Variants in RGS6 observed in about 807,000 individuals in gnomAD.
RGS6 encodes the protein regulator of G protein signaling 6, also known as regulator of G-protein signaling 6.
In RGS6, 30 loss-of-function variants were observed where a neutral mutation model predicts 78.5. That is an observed-to-expected ratio of 0.38 (90% CI 0.29 to 0.52). The LOEUF is 0.52. Among genes scored for constraint, RGS6 ranks in the 20% least tolerant of loss-of-function variants. RGS6 has a pLI of 0.85. For synonymous variants in RGS6, 206 were observed against 206.0 expected, an observed-to-expected ratio of 1.00 and a Z score of 0.00; for missense variants, 495 against 609.7, an observed-to-expected ratio of 0.81 and a Z score of 1.98.
At chr14:72,118,023 A>G (rs2095946876) in intron 2 of RGS6, among the ~76,000 whole-genome samples, 1 of 152,180 alleles carries the variant, frequency 6.6e-6, no homozygotes, top group African/African-American at 2.4e-5. Context: ...GTGCCTACAA[A>G]TGATTAAAAT....
chr14:72,389,378 A>C (rs1024648017), intron 3 of RGS6, among the ~76,000 whole-genome samples: 2 of 152,190 alleles, frequency 1.3e-5, no homozygotes, highest in Non-Finnish European at 2.9e-5. Flanking sequence ...TCTGAGAGTC[A>C]AATGCCAGGA....
intron 3 of RGS6, among the ~76,000 whole-genome samples, chr14:72,395,212 A>G (rs1428843964): frequency 2.0e-5 from 3 of 152,212 alleles, no homozygotes; most frequent in Admixed American, 2.0e-4. Context: ...GCAGAAAAGT[A>G]AAAAGAAAAG....
chr14:72,355,386 G>A (rs1178931004), intron 3 of RGS6, among the ~76,000 whole-genome samples: 3 of 151,706 alleles, frequency 2.0e-5, no homozygotes, highest in Admixed American at 2.0e-4. Context: ...GTAGAGACAG[G>A]GTTTCACCAT....
At chr14:71,886,605 G>C in the RGS6 span, among the ~76,000 whole-genome samples, 2 of 152,230 alleles carry the variant, frequency 1.3e-5, no homozygotes, top group Non-Finnish European at 2.9e-5. Flanking sequence ...CTTTGTAGCA[G>C]TTAGAGCCTA....
chr14:72,085,277 A>G (rs1355524612), intron 2 of RGS6, among the ~76,000 whole-genome samples: 2 of 152,208 alleles, frequency 1.3e-5, no homozygotes, highest in African/African-American at 4.8e-5. Flanking sequence ...TTTTAATCGT[A>G]TTAGGTGATT....
chr14:72,479,901 G>T (rs772902326), intron 12 of RGS6, among the ~76,000 whole-genome samples: 23 of 152,162 alleles, frequency 1.5e-4, no homozygotes, highest in South Asian at 1.0e-3. Context: ...ATACTTTGAG[G>T]GTCGGTGTGC....
chr14:72,266,099 G>A (rs965575727), intron 2 of RGS6, among the ~76,000 whole-genome samples: 5 of 152,082 alleles, frequency 3.3e-5, no homozygotes, highest in South Asian at 2.1e-4. Context: ...AATTCCAGCC[G>A]GACTCAGCTG....
intron 17 of RGS6, among the ~76,000 whole-genome samples, chr14:72,559,427 A>G (rs984570409): frequency 2.0e-5 from 3 of 152,218 alleles, no homozygotes; most frequent in African/African-American, 7.2e-5. Flanking sequence ...CGCATCCTGC[A>G]TGATTAACCG....
intron 2 of RGS6, among the ~76,000 whole-genome samples, chr14:72,081,215 A>C (rs953299600): frequency 6.6e-6 from 1 of 152,036 alleles, no homozygotes; most frequent in Non-Finnish European, 1.5e-5. Context: ...TTCAGTGTAC[A>C]GATTTTTCAA....
chr14:72,080,845 T>G (rs1253770908), intron 2 of RGS6, among the ~76,000 whole-genome samples: 1 of 152,154 alleles, frequency 6.6e-6, no homozygotes, highest in Non-Finnish European at 1.5e-5. Context: ...GTGGATTTAT[T>G]TCTGGGCTTT....
chr14:72,590,052 A>G, the RGS6 span, among the ~76,000 whole-genome samples: 162 of 152,372 alleles, frequency 1.1e-3, no homozygotes, highest in Non-Finnish European at 2.1e-3. Flanking sequence ...GCTCAACATT[A>G]GTAGTCATCA....
chr14:72,039,344 G>A (rs1410962956), intron 2 of RGS6, among the ~76,000 whole-genome samples: 1 of 152,128 alleles, frequency 6.6e-6, no homozygotes, highest in Non-Finnish European at 1.5e-5. Flanking sequence ...CAGTTTTAGG[G>A]CTAGTTTATA....
chr14:72,332,341 A>G (rs564598514), intron 2 of RGS6, among the ~76,000 whole-genome samples: 72 of 152,366 alleles, frequency 4.7e-4, no homozygotes, highest in Admixed American at 8.5e-4. Flanking sequence ...TGTGAATGCC[A>G]GGATTATTGT....
chr14:72,360,216 A>G (rs959027203), intron 3 of RGS6, among the ~76,000 whole-genome samples: 5 of 152,122 alleles, frequency 3.3e-5, no homozygotes, highest in African/African-American at 1.2e-4. Context: ...CATACAATTT[A>G]TTCATAGAAA....
At chr14:72,236,500 C>T (rs896218598) in intron 2 of RGS6, among the ~76,000 whole-genome samples, 1 of 152,152 alleles carries the variant, frequency 6.6e-6, no homozygotes, top group Admixed American at 6.6e-5. Context: ...CAATCCCAAG[C>T]CAAGGTACAG....
chr14:72,408,384 T>C (rs1028502175), intron 3 of RGS6, among the ~76,000 whole-genome samples: 1 of 152,218 alleles, frequency 6.6e-6, no homozygotes, highest in Non-Finnish European at 1.5e-5. Context: ...AAACCCTAGA[T>C]GATCACCTTA....
intron 14 of RGS6, among the ~76,000 whole-genome samples, chr14:72,514,821 G>A (rs1046308332): frequency 1.3e-5 from 2 of 152,184 alleles, no homozygotes; most frequent in African/African-American, 4.8e-5. Context: ...CCCTTGGGGA[G>A]GAGCGGTACC....
At chr14:72,312,613 G>A (rs979805079) in intron 2 of RGS6, among the ~76,000 whole-genome samples, 4 of 152,178 alleles carry the variant, frequency 2.6e-5, no homozygotes, top group African/African-American at 4.8e-5. Flanking sequence ...CTGTAACATA[G>A]TTATGCGTAG....
chr14:72,043,847 A>G (rs1319452279), intron 2 of RGS6, among the ~76,000 whole-genome samples: 3 of 152,004 alleles, frequency 2.0e-5, no homozygotes, highest in Admixed American at 6.6e-5. Context: ...CCTTCTGTTC[A>G]GTTACACACA....
Sources: allele counts gnomAD v4.1 joint callset (sites outside exome capture counted in the v4.1 genomes callset), GRCh38; gene constraint gnomAD v4.1.1; transcripts MANE v1.5; gene names NCBI Gene and HGNC (gene_info 2026-07-23, HGNC 2026-07-21).